Variants in CABP7 observed in about 807,000 individuals in gnomAD.
CABP7 encodes the protein calcium-binding protein 7.
Under a neutral mutation model 23.1 loss-of-function variants are expected in CABP7, and 13 were observed. The ratio of observed to expected loss-of-function variants is 0.56; its 90% CI spans 0.37 to 0.90. CABP7 has a LOEUF of 0.90. Ranked by LOEUF, CABP7 falls within the 40% of genes least tolerant of loss-of-function variation. The pLI is 0.01. For missense variants in CABP7, 248 were observed against 295.6 expected, an observed-to-expected ratio of 0.84 and a Z score of 1.18; for synonymous variants, 123 against 115.3, an observed-to-expected ratio of 1.07 and a Z score of -0.43.
chr22:29,725,519 C>A (rs1207403207), intron 1 of CABP7, among the ~76,000 whole-genome samples: 2 of 152,194 alleles, frequency 1.3e-5, no homozygotes, highest in Non-Finnish European at 1.5e-5. Flanking sequence ...ACAAGACCAG[C>A]CCCTCCCTGC....
intron 3 of CABP7, 124 bp downstream of exon 3, chr22:29,728,866 A>C (rs2067815103): frequency 2.0e-6 from 2 of 1,002,382 alleles, no homozygotes; most frequent in South Asian, 3.0e-5. Flanking sequence ...TCCACTGGAC[A>C]TTTCACCTCT....
chr22:29,728,278 T>C (rs1373402011), intron 2 of CABP7, among the ~76,000 whole-genome samples: 1 of 152,152 alleles, frequency 6.6e-6, no homozygotes, highest in Non-Finnish European at 1.5e-5. Context: ...GTTGCCCCAC[T>C]CTGAGCTTCA....
Position 29,729,591 on chromosome 22 carries a change from C to A in CABP7, c.*22C>A. On this transcript the variant is annotated 3_prime_UTR_variant, in exon 5 of 5. Transcript: ENST00000216144. ...GTAGACGCCACCTGGATGCCCCATC[C>A]ACCGCATGCGGTGCCCGTGGCCCGC... is the stretch of plus-strand genomic sequence containing the variant. The A allele has an allele frequency of 6.2e-7, 1 of 1,605,776 alleles. No homozygotes were observed.
At chr22:29,724,394 A>G (rs2067781471) in intron 1 of CABP7, among the ~76,000 whole-genome samples, 1 of 152,234 alleles carries the variant, frequency 6.6e-6, no homozygotes, top group African/African-American at 2.4e-5. Context: ...TGGCTCTGCT[A>G]TCTGGGACAT....
chr22:29,720,373 T>G lies in CABP7; in HGVS notation c.-52T>G. On this transcript the variant is annotated 5_prime_UTR_variant, in exon 1 of 5. The change abolishes an upstream ATG in the 5' untranslated region. Coordinates refer to ENST00000216144, the MANE Select transcript of CABP7 (RefSeq NM_182527.3). The surrounding 1 kb of genome is among the most constrained non-coding windows in gnomAD (Gnocchi z 5.2). Reference sequence around the variant, plus strand: ...CGCCCCCGGGGCCGCCACCGGCCCATGAGCCCCGGCCTCAAAGTTTGCGGC... The same window carrying G: ...CGCCCCCGGGGCCGCCACCGGCCCAGGAGCCCCGGCCTCAAAGTTTGCGGC... The G allele has an allele frequency of 8.0e-7, 1 of 1,246,052 alleles. No individual in the cohort carries two copies. The highest frequency in any genetic ancestry group is 1.1e-6 in the Non-Finnish European group (1 of 937,372). 77.2% of individuals were successfully genotyped at this position (1,246,052 alleles called of 1,614,324 possible).
intron 1 of CABP7, among the ~76,000 whole-genome samples, chr22:29,723,049 G>T (rs2067772418): frequency 2.6e-5 from 4 of 152,228 alleles, no homozygotes; most frequent in African/African-American, 9.6e-5. Context: ...ACCTATAAAA[G>T]GGGGGCTGGT....
intron 1 of CABP7, among the ~76,000 whole-genome samples, chr22:29,722,349 C>A (rs1334437098): frequency 6.6e-6 from 1 of 152,266 alleles, no homozygotes; most frequent in Non-Finnish European, 1.5e-5. Context: ...ACATGGCGTG[C>A]TGGCAGGAGC....
intron 4 of CABP7, 108 bp downstream of exon 4, chr22:29,729,316 C>A: frequency 1.3e-6 from 2 of 1,578,128 alleles, no homozygotes; most frequent in Non-Finnish European, 1.7e-6. Context: ...CCTTGCCTGT[C>A]CTAAGCCTCT....
rs1384991509 is a variant in CABP7 at position 29,728,919 on chromosome 22, G to A, written c.367-136G>A. 4.1e-6 allele frequency: 5 copies of A among 1,234,520 alleles called. No individual in the cohort carries two copies. The South Asian group carries it at 6.9e-5, about 17-fold the overall frequency. The allele number at this position is 1,234,520 out of a possible 1,614,324, so 76.5% of individuals were successfully genotyped here. ...CCTGGGGAGGCCGGTGTTGGTCAAG[G>A]ACTCTCTGGGGGAATGGAGCAAGTG... On this transcript the variant is annotated intron_variant, in intron 3 of 4. Transcript: ENST00000216144.
intron 1 of CABP7, among the ~76,000 whole-genome samples, chr22:29,722,403 T>C (rs1235647252): frequency 6.6e-6 from 1 of 152,170 alleles, no homozygotes; most frequent in Non-Finnish European, 1.5e-5. Context: ...CCTCCCCGCT[T>C]CTCTCCTGTC....
rs2067834782 is a variant in CABP7 at position 29,730,883 on chromosome 22, C to T, written c.*1314C>T. On this transcript the variant is annotated 3_prime_UTR_variant, in exon 5 of 5. Coordinates refer to ENST00000216144, the MANE Select transcript of CABP7 (RefSeq NM_182527.3). ...GGGGAAAATCTCATCTGATTCCCTCCTTGCCCGACCTCTGCTAGGGGCTGG... is the reference window on the plus strand; with the variant it reads ...GGGGAAAATCTCATCTGATTCCCTCTTTGCCCGACCTCTGCTAGGGGCTGG... The T allele has an allele frequency of 5.6e-6, 1 of 179,044 alleles. No homozygotes were observed. The highest frequency in any genetic ancestry group is 6.3e-5 in the Admixed American group (1 of 15,926). The allele number at this position is 179,044 out of a possible 1,614,324, so 11.1% of individuals were successfully genotyped here. A position where few individuals can be genotyped will look rare whatever the true frequency, so the allele number is the denominator to read the frequency against.
Position 29,726,676 on chromosome 22 carries a change from G to A in CABP7, c.110-986G>A, listed in dbSNP as rs538194500. ...AAGTCCACCCAGGGGAACAGCTTAG[G>A]CAAAGGCCAGGTGGCTGGCAAGCAA... On this transcript the variant is annotated intron_variant, in intron 1 of 4. Coordinates refer to ENST00000216144, the MANE Select transcript of CABP7 (RefSeq NM_182527.3). Among the ~76,000 whole-genome samples, 6 of 152,330 alleles carry A rather than the reference G, an allele frequency of 3.9e-5. No homozygotes were observed. In the South Asian group the frequency reaches 1.2e-3, roughly 32 times the overall value.
chr22:29,730,984 T>C lies in CABP7; in HGVS notation c.*1415T>C. 1 of 376,736 alleles carries C rather than the reference T, an allele frequency of 2.7e-6. No homozygotes were observed. Among genetic ancestry groups the C allele is most frequent in the Non-Finnish European group, 4.7e-6 (1 of 213,766 alleles). 23.3% of individuals were successfully genotyped at this position (376,736 alleles called of 1,614,324 possible). On this transcript the variant is annotated 3_prime_UTR_variant, in exon 5 of 5. Transcript: ENST00000216144. The stretch of plus-strand genomic sequence containing the variant: ...GGTGACAGACTTTCTTTATAAACAT[T>C]TGGAAGTTTTCTCCCCCATCTTCTT...
chr22:29,729,886 C>G lies in CABP7; in HGVS notation c.*317C>G, dbSNP rs1027739846. 1.9e-5 allele frequency: 7 copies of G among 359,948 alleles called. No homozygotes were observed. The highest frequency in any genetic ancestry group is 1.3e-4 in the African/African-American group (6 of 47,740). 22.3% of individuals were successfully genotyped at this position (359,948 alleles called of 1,614,324 possible). A position where few individuals can be genotyped will look rare whatever the true frequency, so the allele number is the denominator to read the frequency against. ...TAAGGAGGGATTTGCACAGGAACCC[C>G]CAGGACCCAGTCGCTGCTGTGGTCC... is the stretch of plus-strand genomic sequence containing the variant. On this transcript the variant is annotated 3_prime_UTR_variant, in exon 5 of 5. Transcript: ENST00000216144.
chr22:29,731,354 C>T lies in CABP7; in HGVS notation c.*1785C>T. On this transcript the variant is annotated 3_prime_UTR_variant, in exon 5 of 5. Coordinates refer to ENST00000216144, the MANE Select transcript of CABP7 (RefSeq NM_182527.3). ...AGACAGTGGTTCTGATGGGTTCAGCCCTAGAGAGAGAGAGAGAAGCGGGGA... is the reference window on the plus strand; with the variant it reads ...AGACAGTGGTTCTGATGGGTTCAGCTCTAGAGAGAGAGAGAGAAGCGGGGA... 6.5e-7 allele frequency: 1 copy of T among 1,545,868 alleles called. No individual in the cohort carries two copies. Among genetic ancestry groups the T allele is most frequent in the Non-Finnish European group, 8.7e-7 (1 of 1,154,830 alleles).
At position 29,724,552 on chromosome 22, in the gene CABP7, C is replaced by T. The variant is rs557757956; in HGVS notation, c.110-3110C>T. Among the ~76,000 whole-genome samples, 8 of 152,354 alleles carry T rather than the reference C, an allele frequency of 5.3e-5. No homozygotes were observed. The South Asian group carries it at 1.7e-3, about 32-fold the overall frequency. On this transcript the variant is annotated intron_variant, in intron 1 of 4. Transcript: ENST00000216144. ...AGGATGTAGGAGAGCTGGGACTTGA[C>T]CTTGGGTCTCTGCCACTTCAGGCTG...
rs1244013508 is a variant in CABP7, at chr22:29,727,436, G to C, written c.110-226G>C. 1.3e-5 allele frequency among the ~76,000 whole-genome samples: 2 copies of C among 152,236 alleles called. No individual in the cohort carries two copies. Among genetic ancestry groups the C allele is most frequent in the East Asian group, 3.9e-4 (2 of 5,188 alleles). ...CGCAATCAGATCCCAAGAGGTCACT[G>C]CTGGGGGGCCTTGAGCCCTGCTTTA... On this transcript the variant is annotated intron_variant, in intron 1 of 4. Coordinates refer to ENST00000216144, the MANE Select transcript of CABP7 (RefSeq NM_182527.3). This position sits in a 1 kb window ranked among gnomAD's most constrained non-coding sequence, Gnocchi z 4.2.
In CABP7 at chr22:29,729,893, C is replaced by G; in HGVS notation, c.*324C>G. ...GGATTTGCACAGGAACCCCCAGGAC[C>G]CAGTCGCTGCTGTGGTCCCTTGGGC... On this transcript the variant is annotated 3_prime_UTR_variant, in exon 5 of 5. Coordinates refer to ENST00000216144, the MANE Select transcript of CABP7 (RefSeq NM_182527.3). The G allele has an allele frequency of 3.0e-6, 1 of 335,012 alleles. No individual in the cohort carries two copies. Among genetic ancestry groups the G allele is most frequent in the Non-Finnish European group, 5.6e-6 (1 of 179,750 alleles). 20.8% of individuals were successfully genotyped at this position (335,012 alleles called of 1,614,324 possible).
rs767847131 is a variant in CABP7 at position 29,731,263 on chromosome 22, C to G, written c.*1694C>G. The G allele has an allele frequency of 1.3e-6, 2 of 1,518,168 alleles. No individual in the cohort carries two copies. The highest frequency in any genetic ancestry group is 8.7e-7 in the Non-Finnish European group (1 of 1,146,516). The allele number at this position is 1,518,168 out of a possible 1,614,324, so 94.0% of individuals were successfully genotyped here. A position where few individuals can be genotyped will look rare whatever the true frequency, so the allele number is the denominator to read the frequency against. On this transcript the variant is annotated 3_prime_UTR_variant, in exon 5 of 5. Transcript: ENST00000216144. ...ACTCTGGGCTGCAGAGGCCACCCCC[C>G]AGGTGGGGGTGCCCGCAGGGATGGA...
Sources: gnomAD v4.1 joint callset for allele counts (sites outside exome capture counted in the v4.1 genomes callset) on GRCh38, gnomAD v4.1.1 for gene constraint, Gnocchi (gnomAD v3.1) non-coding constraint, MANE v1.5 for transcripts, NCBI Gene and HGNC (gene_info 2026-07-23, HGNC 2026-07-21) for gene names.